Variants in SKIC2 observed in about 807,000 individuals in gnomAD.
SKIC2 encodes SKI2 subunit of superkiller complex.
At chr6:31,966,854 G>C in the SKIC2 span, 1 of 1,614,184 alleles carries the variant, frequency 6.2e-7, no homozygotes, top group South Asian at 1.1e-5. This position sits in a 1 kb window ranked among gnomAD's most constrained non-coding sequence, Gnocchi z 5.9. Context: ...AAGGTAAGGA[G>C]CCTGGGGTAA....
At chr6:31,960,027 T>A in the SKIC2 span, 1 of 1,613,006 alleles carries the variant, frequency 6.2e-7, no homozygotes, top group Non-Finnish European at 8.5e-7. Flanking sequence ...ATGGCCTCCC[T>A]CCTTGTGCCC....
At chr6:31,969,480 G>A in the SKIC2 span, 1 of 1,613,698 alleles carries the variant, frequency 6.2e-7, no homozygotes, top group Admixed American at 1.7e-5. This position sits in a 1 kb window ranked among gnomAD's most constrained non-coding sequence, Gnocchi z 6.1. Context: ...TGCCCAGGCT[G>A]AGTGCATCCA....
At chr6:31,969,080 C>T in the SKIC2 span, 6 of 1,610,908 alleles carry the variant, frequency 3.7e-6, no homozygotes, top group African/African-American at 5.3e-5. This position sits in a 1 kb window ranked among gnomAD's most constrained non-coding sequence, Gnocchi z 6.1. Flanking sequence ...TCCCAAACAC[C>T]CTCAAGCAGG....
the SKIC2 span, chr6:31,965,980 G>A: frequency 6.2e-7 from 1 of 1,608,284 alleles, no homozygotes; most frequent in African/African-American, 1.3e-5. The surrounding 1 kb of genome is among the most constrained non-coding windows in gnomAD (Gnocchi z 5.6). Flanking sequence ...AGGGCCGAGT[G>A]CCCGAGATGG....
At chr6:31,962,399 G>C in the SKIC2 span, 1,447 of 1,612,140 alleles carry the variant, frequency 9.0e-4, 16 homozygotes, top group Admixed American at 0.017. This position sits in a 1 kb window ranked among gnomAD's most constrained non-coding sequence, Gnocchi z 5.0. Context: ...CGGGCCATGA[G>C]TCTGCGGAGG....
At chr6:31,960,304 C>A in the SKIC2 span, 1 of 1,613,486 alleles carries the variant, frequency 6.2e-7, no homozygotes, top group Non-Finnish European at 8.5e-7. Context: ...CCCAAAGACA[C>A]CCAACCACAG....
chr6:31,969,584 G>C, the SKIC2 span: 1 of 1,613,774 alleles, frequency 6.2e-7, no homozygotes, highest in South Asian at 1.1e-5. This position sits in a 1 kb window ranked among gnomAD's most constrained non-coding sequence, Gnocchi z 6.1. Flanking sequence ...TCAGCGCCTG[G>C]CTGAGATGTG....
chr6:31,966,621 TC>T, the SKIC2 span: 1 of 1,409,858 alleles, frequency 7.1e-7, no homozygotes, highest in Non-Finnish European at 9.9e-7. This position sits in a 1 kb window ranked among gnomAD's most constrained non-coding sequence, Gnocchi z 5.9. Context: ...TAGGACCGGA[TC>T]TGACGGGAGT....
At chr6:31,962,154 CT>C in the SKIC2 span, 2 of 1,266,424 alleles carry the variant, frequency 1.6e-6, no homozygotes. The surrounding 1 kb of genome is among the most constrained non-coding windows in gnomAD (Gnocchi z 5.0). Flanking sequence ...CTAGCTCATC[CT>C]TTAAGTGAGA....
chr6:31,962,865 A>G, the SKIC2 span: 18 of 1,349,990 alleles, frequency 1.3e-5, no homozygotes, highest in African/African-American at 4.3e-5. The surrounding 1 kb of genome is among the most constrained non-coding windows in gnomAD (Gnocchi z 5.0). Flanking sequence ...CGTCTCCCTT[A>G]TTCCACACAC....
chr6:31,968,073 C>T, the SKIC2 span: 2 of 1,612,942 alleles, frequency 1.2e-6, no homozygotes. This position sits in a 1 kb window ranked among gnomAD's most constrained non-coding sequence, Gnocchi z 6.1. Context: ...AGGCAGCAGC[C>T]AAAATTCAAG....
chr6:31,968,385 T>C, the SKIC2 span: 2 of 1,612,992 alleles, frequency 1.2e-6, no homozygotes, highest in Non-Finnish European at 1.7e-6. The surrounding 1 kb of genome is among the most constrained non-coding windows in gnomAD (Gnocchi z 6.1). Context: ...TGCGTCTGGC[T>C]CAGGCCCACC....
chr6:31,969,163 G>T, the SKIC2 span: 85 of 1,552,636 alleles, frequency 5.5e-5, 1 homozygote, highest in Non-Finnish European at 7.4e-5. The surrounding 1 kb of genome is among the most constrained non-coding windows in gnomAD (Gnocchi z 6.1). Context: ...AGTCCCCCAG[G>T]TGACCCCCTC....
the SKIC2 span, chr6:31,963,684 C>T: frequency 3.9e-6 from 6 of 1,557,054 alleles, no homozygotes; most frequent in African/African-American, 2.7e-5. The surrounding 1 kb of genome is among the most constrained non-coding windows in gnomAD (Gnocchi z 5.3). Context: ...AGCAAACACG[C>T]CCAGACCTTT....
chr6:31,968,558 C>T, the SKIC2 span: 1 of 1,601,820 alleles, frequency 6.2e-7, no homozygotes, highest in African/African-American at 1.3e-5. The surrounding 1 kb of genome is among the most constrained non-coding windows in gnomAD (Gnocchi z 6.1). Context: ...TGGGTGGTAA[C>T]TCCCAAGCTG....
chr6:31,969,237 T>C, the SKIC2 span: 1 of 1,609,622 alleles, frequency 6.2e-7, no homozygotes, highest in African/African-American at 1.3e-5. The surrounding 1 kb of genome is among the most constrained non-coding windows in gnomAD (Gnocchi z 6.1). Context: ...TTCCCTGTCC[T>C]GGAGCAGGAA....
At chr6:31,961,440 G>T in the SKIC2 span, 2 of 1,525,848 alleles carry the variant, frequency 1.3e-6, no homozygotes, top group Non-Finnish European at 1.8e-6. Flanking sequence ...CAGGATGTGG[G>T]CTGGCTAGGA....
chr6:31,966,632 T>C, the SKIC2 span: 10 of 1,497,570 alleles, frequency 6.7e-6, no homozygotes, highest in Non-Finnish European at 9.2e-6. This position sits in a 1 kb window ranked among gnomAD's most constrained non-coding sequence, Gnocchi z 5.9. Flanking sequence ...CTGACGGGAG[T>C]AGGCCCAGTC....
the SKIC2 span, chr6:31,965,679 C>T: frequency 2.9e-6 from 2 of 683,554 alleles, no homozygotes; most frequent in Non-Finnish European, 2.7e-6. This position sits in a 1 kb window ranked among gnomAD's most constrained non-coding sequence, Gnocchi z 5.6. Context: ...TAAGTAACAA[C>T]TGGGATGGTG....
Sources: allele counts gnomAD v4.1 joint callset, GRCh38; gene constraint gnomAD v4.1.1; non-coding constraint Gnocchi (gnomAD v3.1); transcripts MANE v1.5; gene names NCBI Gene and HGNC (gene_info 2026-07-23, HGNC 2026-07-21).